PATJ: variants seen among roughly 807,000 people sequenced by gnomAD.
PATJ encodes the protein PATJ crumbs cell polarity complex component, also known as inaD-like protein.
Under a neutral mutation model 224.9 loss-of-function variants are expected in PATJ, and 190 were observed. That is an observed-to-expected ratio of 0.84 (90% CI 0.75 to 0.95). The LOEUF is 0.95. Among genes scored for constraint, PATJ ranks in the 40% least tolerant of loss-of-function variants. The probability of loss-of-function intolerance (pLI) is 0.00; values close to 1 mark genes in which losing one functional copy is unlikely to be tolerated. For synonymous variants in PATJ, 769 were observed against 820.3 expected, an observed-to-expected ratio of 0.94 and a Z score of 1.07; for missense variants, 2,121 against 2,270.3, an observed-to-expected ratio of 0.93 and a Z score of 1.34.
intron 37 of PATJ, chr1:62,117,487 G>A: frequency 1.0e-6 from 1 of 1,000,738 alleles, no homozygotes. Context: ...ATGCACGCAT[G>A]TACACAGCTG....
In PATJ at chr1:61,775,068, C is replaced by A. The variant is rs560701116; in HGVS notation, c.721-138C>A. On this transcript the variant is annotated intron_variant, in intron 6 of 43. Coordinates refer to ENST00000642238, the MANE Select transcript of PATJ (RefSeq NM_001350145.3). ...ATTATCTCTGTCTGTATATCTTAGC[C>A]TGTAGAACATTGCCTTGATTAATTG... 7 of 826,374 alleles carry A rather than the reference C, an allele frequency of 8.5e-6. No homozygotes were observed. The African/African-American group carries it at 1.0e-4, about 12-fold the overall frequency. 51.2% of individuals were successfully genotyped at this position (826,374 alleles called of 1,614,324 possible).
intron 17 of PATJ, among the ~76,000 whole-genome samples, chr1:61,847,289 A>G (rs1003386251): frequency 1.3e-5 from 2 of 152,198 alleles, no homozygotes; most frequent in African/African-American, 4.8e-5. Context: ...GTGCAAGCTT[A>G]TGTACTTTTT....
intron 29 of PATJ, among the ~76,000 whole-genome samples, chr1:62,036,757 A>G (rs1650454686): frequency 6.6e-6 from 1 of 151,144 alleles, no homozygotes; most frequent in South Asian, 2.1e-4. Context: ...CTGTAATCCC[A>G]GCTACTCCGG....
intron 27 of PATJ, among the ~76,000 whole-genome samples, chr1:61,938,744 G>A (rs1421097777): frequency 3.9e-5 from 6 of 151,924 alleles, no homozygotes; most frequent in African/African-American, 1.5e-4. Context: ...TTCAATATTT[G>A]CATTAAAATT....
At position 62,158,719 on chromosome 1, in the gene PATJ, T is replaced by TC. The variant is rs1365043722; in HGVS notation, c.5503-2188dup. On this transcript the variant is annotated intron_variant, in intron 43 of 43. Transcript: ENST00000642238. ...CTGGGCGACAGAGCGAGACTCTGTC[T>TC]CAAAAAAAAAACAAAAAAAAAGAGT... Among the ~76,000 whole-genome samples the TC allele has an allele frequency of 3.3e-3, 92 of 27,960 alleles. 1 individual carries two copies. The highest frequency in any genetic ancestry group is 0.013 in the African/African-American group (86 of 6,726). The allele number at this position is 27,960 out of a possible 152,430, so 18.3% of individuals were successfully genotyped here.
chr1:61,997,017 C>G (rs1645405733), intron 28 of PATJ, among the ~76,000 whole-genome samples: 1 of 152,014 alleles, frequency 6.6e-6, no homozygotes, highest in Non-Finnish European at 1.5e-5. Context: ...GCTGGGATTA[C>G]AGGGGTGAGC....
In PATJ at chr1:61,914,694, ATGTTTTTGTTTTGTTTT is replaced by A. The variant is rs564161397; in HGVS notation, c.3570+43_3570+59del. 236 of 1,408,320 alleles carry A rather than the reference ATGTTTTTGTTTTGTTTT, an allele frequency of 1.7e-4. No homozygotes were observed. The South Asian group carries it at 2.6e-3, about 16-fold the overall frequency. The allele number at this position is 1,408,320 out of a possible 1,614,324, so 87.2% of individuals were successfully genotyped here. On this transcript the variant is annotated intron_variant, in intron 26 of 43. Coordinates refer to ENST00000642238, the MANE Select transcript of PATJ (RefSeq NM_001350145.3). ...CTTGAACCTCTCAAGGATTTAAAAA[ATGTTTTTGTTTTGTTTT>A]TGTTTTTGTTTTCCATATCTGGGCT...
chr1:62,017,729 C>T (rs79432881), intron 28 of PATJ, 127 bp from the exon 29 acceptor site: 10 of 324,380 alleles, frequency 3.1e-5, no homozygotes, highest in Non-Finnish European at 4.8e-5. Flanking sequence ...GAGACTGTCT[C>T]AAAAAAAAAA....
At chr1:61,989,057 C>A (rs1267921079) in intron 27 of PATJ, among the ~76,000 whole-genome samples, 2 of 152,228 alleles carry the variant, frequency 1.3e-5, no homozygotes, top group East Asian at 1.9e-4. Context: ...TTGTGTTCTG[C>A]GGGGCACAGC....
chr1:61,849,466 AC>A (rs1344375238), intron 17 of PATJ, among the ~76,000 whole-genome samples: 1 of 152,006 alleles, frequency 6.6e-6, no homozygotes, highest in African/African-American at 2.4e-5. Context: ...TGTGGTGTAC[AC>A]TTGTGGTCCC....
At chr1:62,043,875 G>T (rs921172127) in intron 30 of PATJ, among the ~76,000 whole-genome samples, 27 of 151,914 alleles carry the variant, frequency 1.8e-4, no homozygotes, top group Non-Finnish European at 4.0e-4. Context: ...CTATAGGCAC[G>T]CACCACCATA....
chr1:62,051,573 C>T (rs1653634656), intron 31 of PATJ, among the ~76,000 whole-genome samples: 1 of 152,162 alleles, frequency 6.6e-6, no homozygotes, highest in Non-Finnish European at 1.5e-5. Flanking sequence ...ATGATCCATC[C>T]GCCTTGGCCT....
chr1:62,013,517 C>A, intron 28 of PATJ: 2 of 984,462 alleles, frequency 2.0e-6, no homozygotes, highest in South Asian at 9.4e-5. Context: ...CTAAGGAGCT[C>A]CACTCAGTTC....
intron 23 of PATJ, among the ~76,000 whole-genome samples, chr1:61,900,034 T>G (rs115161416): frequency 0.014 from 2,091 of 152,276 alleles, 51 homozygotes; most frequent in African/African-American, 0.046. Context: ...TATCTCTACC[T>G]TCCTCCCCTG....
At chr1:62,023,955 A>G (rs1219703896) in intron 29 of PATJ, among the ~76,000 whole-genome samples, 1 of 152,182 alleles carries the variant, frequency 6.6e-6, no homozygotes, top group Non-Finnish European at 1.5e-5. Flanking sequence ...TGAGATGATC[A>G]TCATATGATT....
intron 11 of PATJ, among the ~76,000 whole-genome samples, chr1:61,801,073 A>C (rs1309233943): frequency 2.6e-5 from 4 of 152,206 alleles, no homozygotes; most frequent in African/African-American, 9.7e-5. Flanking sequence ...AGCATGATTT[A>C]TGATCCTTTG....
rs371011043 is a variant in PATJ, at chr1:62,051,864, T to G, written c.4125+806T>G. Among the ~76,000 whole-genome samples the G allele has an allele frequency of 3.3e-5, 5 of 152,362 alleles. No homozygotes were observed. The East Asian group carries it at 5.8e-4, about 18-fold the overall frequency. ...TATTTAATAGTTATTGAACATTTGT[T>G]GCATATCAGACACTGTGCTGTGTTC... On this transcript the variant is annotated intron_variant, in intron 31 of 43. Coordinates refer to ENST00000642238, the MANE Select transcript of PATJ (RefSeq NM_001350145.3).
intron 41 of PATJ, among the ~76,000 whole-genome samples, chr1:62,133,882 G>A (rs1358827411): frequency 6.6e-6 from 1 of 151,846 alleles, no homozygotes; most frequent in African/African-American, 2.4e-5. Flanking sequence ...CAGTAGCTGG[G>A]ACCACAGGCA....
intron 27 of PATJ, among the ~76,000 whole-genome samples, chr1:61,930,554 T>G (rs1317745052): frequency 2.6e-5 from 4 of 152,104 alleles, no homozygotes; most frequent in Middle Eastern, 3.2e-3. Flanking sequence ...ATTAGAGAGA[T>G]CCAGGGATGA....
Sources: allele counts gnomAD v4.1 joint callset (sites outside exome capture counted in the v4.1 genomes callset), GRCh38; gene constraint gnomAD v4.1.1; transcripts MANE v1.5; gene names NCBI Gene and HGNC (gene_info 2026-07-23, HGNC 2026-07-21).